The following ERBB4 variants were observed in gnomAD, a reference collection of about 807,000 sequenced individuals.
ERBB4 encodes the protein erb-b2 receptor tyrosine kinase 4.
ERBB4 carries 42 observed loss-of-function variants against 158.0 expected under a neutral mutation model. The observed-to-expected ratio is 0.27, with a 90% confidence interval of 0.21 to 0.34. The LOEUF is 0.34. Ranked by LOEUF, ERBB4 falls within the 10% of genes least tolerant of loss-of-function variation. The probability of loss-of-function intolerance (pLI) is 1.00; values close to 1 mark genes in which losing one functional copy is unlikely to be tolerated. For missense variants in ERBB4, 1,333 were observed against 1,624.1 expected (o/e 0.82, Z 3.08); for synonymous variants, 583 against 558.7 (o/e 1.04, Z -0.61).
chr2:211,443,251 A>T (rs1278147193), intron 20 of ERBB4, among the ~76,000 whole-genome samples: 1 of 152,088 alleles, frequency 6.6e-6, no homozygotes, highest in Non-Finnish European at 1.5e-5. Context: ...AAATTTTAAT[A>T]TTATTGGCAA....
chr2:212,050,984 C>A lies in ERBB4; in HGVS notation c.234+73768G>T, dbSNP rs190531820. Among the ~76,000 whole-genome samples, 43 of 152,216 alleles carry A rather than the reference C, an allele frequency of 2.8e-4. No individual in the cohort carries two copies. In the East Asian group the frequency reaches 8.1e-3, roughly 29 times the overall value. Reference sequence around the variant, plus strand: ...ACAACCAGGGAATGTAAAAGAGCAGCCTTTTTGTAGCAAAGCCATACTGTA... The same window carrying A: ...ACAACCAGGGAATGTAAAAGAGCAGACTTTTTGTAGCAAAGCCATACTGTA... On this transcript the variant is annotated intron_variant, in intron 2 of 27. Coordinates refer to ENST00000342788, the MANE Select transcript of ERBB4 (RefSeq NM_005235.3).
At chr2:212,253,834 G>A (rs970934738) in intron 1 of ERBB4, among the ~76,000 whole-genome samples, 2 of 152,168 alleles carry the variant, frequency 1.3e-5, no homozygotes, top group African/African-American at 4.8e-5. Context: ...ATCACAGAGT[G>A]TATTTACACA....
At chr2:211,853,244 T>G (rs12997899) in intron 3 of ERBB4, among the ~76,000 whole-genome samples, 17,217 of 152,040 alleles carry the variant, frequency 0.11, 1,256 homozygotes, top group Non-Finnish European at 0.15. Context: ...TCTTGCTCTT[T>G]TTTTTTCTTC....
chr2:212,295,949 A>T (rs1316511210), intron 1 of ERBB4, among the ~76,000 whole-genome samples: 4 of 152,022 alleles, frequency 2.6e-5, no homozygotes, highest in African/African-American at 9.7e-5. Flanking sequence ...TATTTCATGC[A>T]GTTAACTCTT....
intron 20 of ERBB4, among the ~76,000 whole-genome samples, chr2:211,507,754 C>A (rs2065786451): frequency 2.0e-5 from 3 of 152,036 alleles, no homozygotes; most frequent in Admixed American, 2.0e-4. Context: ...CTACAGTAAC[C>A]AAAACAGCAT....
chr2:211,946,213 AT>A (rs2080686002), intron 3 of ERBB4, among the ~76,000 whole-genome samples: 1 of 152,096 alleles, frequency 6.6e-6, no homozygotes, highest in East Asian at 1.9e-4. Flanking sequence ...TCCAAAATAA[AT>A]AACACAATCA....
intron 3 of ERBB4, among the ~76,000 whole-genome samples, chr2:211,843,289 T>C (rs957667104): frequency 6.6e-6 from 1 of 152,164 alleles, no homozygotes; most frequent in Non-Finnish European, 1.5e-5. Flanking sequence ...GCTTTCATAT[T>C]GGGTGAAGAC....
chr2:212,154,111 A>T (rs895464809), intron 1 of ERBB4, among the ~76,000 whole-genome samples: 2 of 152,170 alleles, frequency 1.3e-5, no homozygotes, highest in African/African-American at 4.8e-5. Flanking sequence ...ACTGGCATTT[A>T]TTAAGCCCAG....
chr2:211,907,236 G>C (rs1245255877), intron 3 of ERBB4, among the ~76,000 whole-genome samples: 1 of 151,724 alleles, frequency 6.6e-6, no homozygotes, highest in Non-Finnish European at 1.5e-5. Context: ...GTGTTTAAGG[G>C]AGAGTTAAAG....
intron 4 of ERBB4, among the ~76,000 whole-genome samples, chr2:211,773,985 T>C (rs1350745353): frequency 6.6e-6 from 1 of 151,960 alleles, no homozygotes; most frequent in East Asian, 1.9e-4. Flanking sequence ...ACTTATTCCG[T>C]TGATCAAATT....
At chr2:211,393,740 CGTGT>C (rs58472959) in intron 25 of ERBB4, among the ~76,000 whole-genome samples, 32,173 of 145,560 alleles carry the variant, frequency 0.22, 3,724 homozygotes, top group Non-Finnish European at 0.27. Context: ...GAGTTAATAG[CGTGT>C]GTGTGTGTGT....
At chr2:212,118,866 G>A (rs1225445999) in intron 2 of ERBB4, among the ~76,000 whole-genome samples, 2 of 151,802 alleles carry the variant, frequency 1.3e-5, no homozygotes, top group Non-Finnish European at 2.9e-5. Context: ...TTCATTATCT[G>A]AGAGAAGTTA....
chr2:211,422,025 T>C lies in ERBB4; in HGVS notation c.2946A>G (p.Gln982=), dbSNP rs757872255. The part of the protein sequence containing the change: ...AEFSRMARDP[Q]RYLVIQGDDR... Reference sequence around the variant, plus strand: ...TACTCACCTGAATAACTAGGTATCTTTGAGGGTCTCGAGCCATCCTTGAAA... The same window carrying C: ...TACTCACCTGAATAACTAGGTATCTCTGAGGGTCTCGAGCCATCCTTGAAA... Residue 982 remains glutamine, a synonymous_variant, in exon 24 of 28, where the codon CAA becomes CAG. Transcript: ENST00000342788. The C allele has an allele frequency of 6.2e-6, 10 of 1,610,094 alleles. No individual in the cohort carries two copies. In the Admixed American group the frequency reaches 1.3e-4, roughly 22 times the overall value.
intron 17 of ERBB4, among the ~76,000 whole-genome samples, chr2:211,624,648 G>A (rs1268354358): frequency 1.3e-5 from 2 of 152,160 alleles, no homozygotes; most frequent in East Asian, 3.9e-4. Context: ...AAAATTCTAT[G>A]ATTTGATTCT....
chr2:211,888,905 C>T (rs559047453), intron 3 of ERBB4, among the ~76,000 whole-genome samples: 14 of 151,726 alleles, frequency 9.2e-5, no homozygotes, highest in Admixed American at 2.0e-4. Flanking sequence ...CCTACGCCCA[C>T]GGAGTCTCAC....
chr2:211,560,262 C>CTTTTTTTTTT lies in ERBB4; in HGVS notation c.2487+1631_2487+1640dup, dbSNP rs769707072. Reference sequence around the variant, plus strand: ...CAGCACTAACAAATTTGAAGCTTAGCTTTTTTTTTTTTTTTTTTTTTTTTT... The same window carrying CTTTTTTTTTT: ...CAGCACTAACAAATTTGAAGCTTAGCTTTTTTTTTTTTTTTTTTTTTTTTTTTTTTTTTTT... On this transcript the variant is annotated intron_variant, in intron 20 of 27. Transcript: ENST00000342788. Among the ~76,000 whole-genome samples the CTTTTTTTTTT allele has an allele frequency of 1.2e-3, 57 of 46,312 alleles. 9 individuals are homozygous for CTTTTTTTTTT. The highest frequency in any genetic ancestry group is 3.4e-3 in the African/African-American group (36 of 10,454). 30.4% of individuals were successfully genotyped at this position (46,312 alleles called of 152,430 possible).
At chr2:211,821,942 T>C (rs77431063) in intron 3 of ERBB4, among the ~76,000 whole-genome samples, 9 of 151,958 alleles carry the variant, frequency 5.9e-5, no homozygotes, top group African/African-American at 2.2e-4. Context: ...GACATTGTTT[T>C]GGGAAAAGAT....
intron 1 of ERBB4, among the ~76,000 whole-genome samples, chr2:212,156,068 A>G (rs1303184522): frequency 1.3e-5 from 2 of 152,128 alleles, no homozygotes; most frequent in African/African-American, 2.4e-5. Context: ...TGACACACAC[A>G]AAGTCAAGAA....
intron 3 of ERBB4, among the ~76,000 whole-genome samples, chr2:211,944,053 C>CATATATATATATACACATGGTTACACT (rs1559153601): frequency 7.4e-6 from 1 of 135,290 alleles, no homozygotes; most frequent in Non-Finnish European, 1.6e-5. Context: ...AAACGCAAAC[C>CATATATATATATACACATGGTTACACT]ATATATATAT....
Sources: allele counts gnomAD v4.1 joint callset (sites outside exome capture counted in the v4.1 genomes callset), GRCh38; gene constraint gnomAD v4.1.1; transcripts MANE v1.5; gene names NCBI Gene and HGNC (gene_info 2026-07-23, HGNC 2026-07-21).